The following FGL1 variants were observed in gnomAD, a reference collection of about 807,000 sequenced individuals.
FGL1 encodes the protein fibrinogen-like protein 1.
A neutral mutation model predicts 43.7 loss-of-function variants in FGL1; 59 were observed. That is an observed-to-expected ratio of 1.35 (90% CI 1.10 to 1.68). FGL1 has a LOEUF of 1.68. Among genes scored for constraint, FGL1 ranks in the 40% most tolerant of loss-of-function variants. The pLI is 0.00. For missense variants in FGL1, 596 were observed against 373.0 expected, an observed-to-expected ratio of 1.60 and a Z score of -4.92; for synonymous variants, 192 against 126.5, an observed-to-expected ratio of 1.52 and a Z score of -3.48.
intron 5 of FGL1, among the ~76,000 whole-genome samples, chr8:17,870,184 G>C (rs1585128738): frequency 6.6e-6 from 1 of 152,166 alleles, no homozygotes; most frequent in East Asian, 1.9e-4. Context: ...GCTAAAGAAT[G>C]ATATATGATG....
intron 7 of FGL1, among the ~76,000 whole-genome samples, chr8:17,867,807 G>T (rs1311640106): frequency 6.6e-6 from 1 of 152,172 alleles, no homozygotes; most frequent in Non-Finnish European, 1.5e-5. Flanking sequence ...GCAGGGTGCG[G>T]TGGCTCACGC....
At chr8:17,865,633 A>C (rs1455313673) in intron 7 of FGL1, among the ~76,000 whole-genome samples, 1 of 152,192 alleles carries the variant, frequency 6.6e-6, no homozygotes, top group African/African-American at 2.4e-5. Context: ...CCTCCTTTGG[A>C]GTCTGTAAAT....
intron 1 of FGL1, among the ~76,000 whole-genome samples, chr8:17,888,063 G>C (rs2053654844): frequency 6.6e-6 from 1 of 151,768 alleles, no homozygotes; most frequent in South Asian, 2.1e-4. Context: ...AGTAATCTTA[G>C]GCCCAGTAAT....
intron 3 of FGL1, among the ~76,000 whole-genome samples, chr8:17,879,159 ATC>A (rs1028150542): frequency 9.2e-5 from 14 of 151,708 alleles, no homozygotes; most frequent in African/African-American, 2.7e-4. Flanking sequence ...AATTCCTATC[ATC>A]TGTCTTATTA....
chr8:17,881,782 C>T (rs2053539811), intron 3 of FGL1, among the ~76,000 whole-genome samples: 1 of 143,598 alleles, frequency 7.0e-6, no homozygotes, highest in Non-Finnish European at 1.5e-5. Flanking sequence ...TGCAGTGAGC[C>T]AAAATTGCAC....
chr8:17,895,103 A>T (rs2129442580), intron 1 of FGL1: 1 of 204,082 alleles, frequency 4.9e-6, no homozygotes, highest in East Asian at 1.8e-4. Flanking sequence ...AAAGCATTTC[A>T]AAATGTAATT....
At chr8:17,894,182 C>G (rs7017176) in intron 1 of FGL1, among the ~76,000 whole-genome samples, 11 of 146,010 alleles carry the variant, frequency 7.5e-5, no homozygotes, top group African/African-American at 3.0e-4. Context: ...TAGTAGCATG[C>G]AAACATTTCA....
chr8:17,877,611 A>C (rs112739869), intron 3 of FGL1, among the ~76,000 whole-genome samples: 6 of 76,680 alleles, frequency 7.8e-5, no homozygotes, highest in African/African-American at 2.7e-4. Context: ...AGGCAACATA[A>C]GGAAAAAAAA....
chr8:17,879,818 T>A (rs755700887), intron 3 of FGL1, among the ~76,000 whole-genome samples: 1 of 152,138 alleles, frequency 6.6e-6, no homozygotes, highest in African/African-American at 2.4e-5. Flanking sequence ...AGTCTTCCCA[T>A]GACTGGTTGT....
At chr8:17,893,960 T>C (rs1021331693) in intron 1 of FGL1, among the ~76,000 whole-genome samples, 1 of 147,120 alleles carries the variant, frequency 6.8e-6, no homozygotes, top group Admixed American at 6.7e-5. Context: ...TATTATAAAA[T>C]TAAAATTGTT....
At chr8:17,880,743 T>A (rs2053522712) in intron 3 of FGL1, among the ~76,000 whole-genome samples, 1 of 152,190 alleles carries the variant, frequency 6.6e-6, no homozygotes, top group South Asian at 2.1e-4. Context: ...TCGCTAGCAT[T>A]CTTTTTGTTT....
chr8:17,883,691 T>TATA (rs1554567292), intron 2 of FGL1, among the ~76,000 whole-genome samples: 5 of 145,550 alleles, frequency 3.4e-5, no homozygotes, highest in African/African-American at 1.3e-4. Flanking sequence ...TATATATATT[T>TATA]TTTATATATA....
intron 1 of FGL1, chr8:17,885,812 T>C (rs2053619675): frequency 4.4e-6 from 2 of 450,714 alleles, no homozygotes; most frequent in Non-Finnish European, 4.0e-6. Flanking sequence ...TTCTTTTCGC[T>C]ATCCTAATGT....
chr8:17,879,875 G>C (rs1032908481), intron 3 of FGL1, among the ~76,000 whole-genome samples: 15 of 152,216 alleles, frequency 9.9e-5, no homozygotes, highest in African/African-American at 3.6e-4. Flanking sequence ...TGCCATGATT[G>C]ACCCTTGAGT....
intron 7 of FGL1, among the ~76,000 whole-genome samples, chr8:17,865,203 C>G (rs766468557): frequency 6.6e-6 from 1 of 152,092 alleles, no homozygotes; most frequent in Admixed American, 6.6e-5. Context: ...TTTCTTTAAA[C>G]AAAAAATTAA....
intron 5 of FGL1, among the ~76,000 whole-genome samples, chr8:17,869,430 T>C (rs1306959627): frequency 1.3e-5 from 2 of 152,228 alleles, no homozygotes; most frequent in Admixed American, 6.5e-5. Flanking sequence ...GTGTAATCTC[T>C]AGTAGCTGAG....
At chr8:17,880,485 C>G (rs1442721681) in intron 3 of FGL1, among the ~76,000 whole-genome samples, 1 of 152,144 alleles carries the variant, frequency 6.6e-6, no homozygotes, top group Non-Finnish European at 1.5e-5. Flanking sequence ...CAATTCTAGT[C>G]AAATAGGTGT....
intron 1 of FGL1, chr8:17,891,907 T>C (rs1202902869): frequency 2.2e-6 from 1 of 457,752 alleles, no homozygotes; most frequent in East Asian, 1.5e-4. Flanking sequence ...AACAGCTTAT[T>C]TTGGTTTTAA....
intron 3 of FGL1, among the ~76,000 whole-genome samples, chr8:17,878,784 A>G (rs908246459): frequency 1.3e-5 from 2 of 152,238 alleles, no homozygotes; most frequent in Admixed American, 6.5e-5. Context: ...GTAAATAAGA[A>G]GAAAAGATTT....
Sources: gnomAD v4.1 joint callset for allele counts (sites outside exome capture counted in the v4.1 genomes callset) on GRCh38, gnomAD v4.1.1 for gene constraint, MANE v1.5 for transcripts, NCBI Gene and HGNC (gene_info 2026-07-23, HGNC 2026-07-21) for gene names.